ARHGEF9: variants seen among roughly 807,000 people sequenced by gnomAD.
ARHGEF9 encodes the protein rho guanine nucleotide exchange factor 9.
A neutral mutation model predicts 41.3 loss-of-function variants in ARHGEF9; 2 were observed. The ratio of observed to expected loss-of-function variants is 0.05; its 90% confidence interval spans 0.02 to 0.15. The LOEUF (loss-of-function observed/expected upper bound fraction) is 0.15. Among genes scored for constraint, ARHGEF9 ranks in the 10% least tolerant of loss-of-function variants. The pLI, the probability that ARHGEF9 is intolerant of heterozygous loss-of-function variation, is 1.00. For missense variants in ARHGEF9, 225 were observed against 424.7 expected, an observed-to-expected ratio of 0.53 and a Z score of 4.13; for synonymous variants, 160 against 154.4, an observed-to-expected ratio of 1.04 and a Z score of -0.27.
chrX:63,684,190 T>A (rs2050840486), intron 4 of ARHGEF9, among the ~76,000 whole-genome samples: 1 of 109,779 alleles, frequency 9.1e-6, no homozygotes, highest in Non-Finnish European at 1.9e-5. Flanking sequence ...ACAAATAAAC[T>A]AATTAAGAAA....
At chrX:63,644,553 A>G (rs2047866167) in intron 8 of ARHGEF9, among the ~76,000 whole-genome samples, 1 of 110,454 alleles carries the variant, frequency 9.1e-6, no homozygotes, top group South Asian at 3.8e-4. Context: ...GGAAAGAATA[A>G]AAGGTCTTGC....
chrX:63,704,334 T>C (rs2052388967), intron 3 of ARHGEF9, among the ~76,000 whole-genome samples: 1 of 112,590 alleles, frequency 8.9e-6, no homozygotes, highest in Non-Finnish European at 1.9e-5. Context: ...TAAGTCTGGG[T>C]TGGAGCCAAA....
chrX:63,746,380 T>C (rs1354035617), intron 1 of ARHGEF9, among the ~76,000 whole-genome samples: 2 of 111,938 alleles, frequency 1.8e-5, no homozygotes, highest in Non-Finnish European at 3.8e-5. Context: ...TCTTCAAAGC[T>C]TCCTCCTGAA....
chrX:63,770,878 C>G (rs782018410), intron 1 of ARHGEF9, among the ~76,000 whole-genome samples: 1 of 112,259 alleles, frequency 8.9e-6, no homozygotes, highest in Non-Finnish European at 1.9e-5. Context: ...TGAGGCTTCC[C>G]CAGGCATGTG....
At chrX:63,687,302 G>T (rs1436329213) in intron 4 of ARHGEF9, among the ~76,000 whole-genome samples, 1 of 111,272 alleles carries the variant, frequency 9.0e-6, no homozygotes, top group African/African-American at 3.3e-5. Flanking sequence ...CTGGGTTCAG[G>T]GTGCCATCTA....
At chrX:63,702,016 G>A (rs1422316914) in intron 3 of ARHGEF9, among the ~76,000 whole-genome samples, 2 of 112,535 alleles carry the variant, frequency 1.8e-5, no homozygotes, top group Non-Finnish European at 3.8e-5. Flanking sequence ...TTGCAGAAGG[G>A]AAAACCCAAA....
intron 1 of ARHGEF9, among the ~76,000 whole-genome samples, chrX:63,739,569 A>G (rs2054828253): frequency 8.9e-6 from 1 of 111,847 alleles, no homozygotes; most frequent in Admixed American, 9.5e-5. Flanking sequence ...ATCTGAAAGC[A>G]TGGCTTCTAG....
rs1386327571 is a variant in ARHGEF9 at position 63,744,989 on chromosome X, A to G, written c.31-20278T>C. The stretch of plus-strand genomic sequence containing the variant: ...TCTGCCTCTATCCCAATGCCAAGGC[A>G]CCTACTCCCCAGCCTTCTTGCCATC... On this transcript the variant is annotated intron_variant, in intron 1 of 9. Transcript: ENST00000671741. 6.3e-5 allele frequency among the ~76,000 whole-genome samples: 7 copies of G among 110,488 alleles called. No homozygotes were observed. The South Asian group carries it at 1.6e-3, about 25-fold the overall frequency.
intron 1 of ARHGEF9, among the ~76,000 whole-genome samples, chrX:63,738,584 C>T (rs2054757833): frequency 9.0e-6 from 1 of 110,561 alleles, no homozygotes; most frequent in Non-Finnish European, 1.9e-5. Context: ...CACCCCACTT[C>T]CCTGCCCCAC....
intron 4 of ARHGEF9, among the ~76,000 whole-genome samples, chrX:63,689,079 T>C (rs1431452727): frequency 2.9e-5 from 3 of 103,496 alleles, no homozygotes; most frequent in Non-Finnish European, 4.0e-5. Context: ...AAGACAGGAG[T>C]TACAAAACAA....
At position 63,687,022 on chromosome X, in the gene ARHGEF9, A is replaced by G. The variant is rs1177783488; in HGVS notation, c.583-8450T>C. Reference sequence around the variant, plus strand: ...TAAGAAGCCTCTTGAATGCCTGCAGAGTAAAAAATCCCAAAGGCAGCTAGA... The same window carrying G: ...TAAGAAGCCTCTTGAATGCCTGCAGGGTAAAAAATCCCAAAGGCAGCTAGA... On this transcript the variant is annotated intron_variant, in intron 4 of 9. Transcript: ENST00000671741. Among the ~76,000 whole-genome samples, 3 of 106,758 alleles carry G rather than the reference A, an allele frequency of 2.8e-5. No individual in the cohort carries two copies. The Admixed American group carries it at 3.0e-4, about 11-fold the overall frequency. The allele number at this position is 106,758 out of a possible 115,157, so 92.7% of individuals were successfully genotyped here. A position where few individuals can be genotyped will look rare whatever the true frequency, so the allele number is the denominator to read the frequency against.
intron 2 of ARHGEF9, among the ~76,000 whole-genome samples, chrX:63,720,388 C>T (rs376034474): frequency 8.6e-4 from 96 of 111,959 alleles, no homozygotes; most frequent in African/African-American, 2.9e-3. Context: ...CAGCCCTCAA[C>T]AATCAACAGT....
chrX:63,691,129 G>C (rs2051318826), intron 4 of ARHGEF9, among the ~76,000 whole-genome samples: 1 of 111,822 alleles, frequency 8.9e-6, no homozygotes, highest in Non-Finnish European at 1.9e-5. Context: ...GCATGTTCTA[G>C]CCAGAGCAAT....
chrX:63,692,787 A>T (rs1445831904), intron 4 of ARHGEF9, among the ~76,000 whole-genome samples: 1 of 112,284 alleles, frequency 8.9e-6, no homozygotes. Context: ...TATTCAAAAT[A>T]GCCAAGATAT....
In ARHGEF9 at chrX:63,635,408, G is replaced by A; in HGVS notation, c.*2620C>T. On this transcript the variant is annotated 3_prime_UTR_variant, in exon 10 of 10. Coordinates refer to ENST00000671741, the MANE Select transcript of ARHGEF9 (RefSeq NM_001353921.2). ...GCCTCACTGAGTTGAGGAAAAGGGAGCTCAGGGCCATGCGGAAATTACAAC... is the reference window on the plus strand; with the variant it reads ...GCCTCACTGAGTTGAGGAAAAGGGAACTCAGGGCCATGCGGAAATTACAAC... 1.9e-6 allele frequency: 1 copy of A among 522,013 alleles called. No homozygotes were observed. The allele number at this position is 522,013 out of a possible 1,213,427, so 43.0% of individuals were successfully genotyped here.
At chrX:63,745,986 C>G (rs1795743897) in intron 1 of ARHGEF9, among the ~76,000 whole-genome samples, 1 of 112,244 alleles carries the variant, frequency 8.9e-6, no homozygotes, top group Admixed American at 9.4e-5. Flanking sequence ...GGCTAACATT[C>G]CATTTGAGAA....
chrX:63,709,443 G>A (rs1556405264), intron 2 of ARHGEF9, among the ~76,000 whole-genome samples: 1 of 112,152 alleles, frequency 8.9e-6, no homozygotes, highest in Non-Finnish European at 1.9e-5. Flanking sequence ...CCAAATTGGA[G>A]ACAATCTCTG....
intron 8 of ARHGEF9, among the ~76,000 whole-genome samples, chrX:63,644,885 C>T (rs1313151965): frequency 9.2e-6 from 1 of 109,103 alleles, no homozygotes; most frequent in African/African-American, 3.3e-5. Flanking sequence ...CCAACCTTAG[C>T]CTCCTGAGTA....
chrX:63,666,113 G>A, intron 6 of ARHGEF9, 96 bp from the exon 7 acceptor site: 1 of 1,103,292 alleles, frequency 9.1e-7, no homozygotes, highest in African/African-American at 1.8e-5. Flanking sequence ...ACTGGGATAG[G>A]AAGAGGCCAG....
Sources: allele counts gnomAD v4.1 joint callset (sites outside exome capture counted in the v4.1 genomes callset), GRCh38; gene constraint gnomAD v4.1.1; transcripts MANE v1.5; gene names NCBI Gene and HGNC (gene_info 2026-07-23, HGNC 2026-07-21).